CASK: variants seen among roughly 807,000 people sequenced by gnomAD.
CASK encodes the protein peripheral plasma membrane protein CASK.
A neutral mutation model predicts 82.9 loss-of-function variants in CASK; 4 were observed. That is an observed-to-expected ratio of 0.05 (90% CI 0.02 to 0.11). CASK has a LOEUF of 0.11. Ranked by LOEUF, CASK falls within the 10% of genes least tolerant of loss-of-function variation. The probability of loss-of-function intolerance (pLI) is 1.00; values close to 1 mark genes in which losing one functional copy is unlikely to be tolerated. For missense variants in CASK, 358 were observed against 720.9 expected (o/e 0.50, Z 5.76); for synonymous variants, 259 against 253.5 (o/e 1.02, Z -0.20).
chrX:41,921,673 T>C (rs961199468), intron 1 of CASK, among the ~76,000 whole-genome samples: 5 of 110,763 alleles, frequency 4.5e-5, no homozygotes, highest in African/African-American at 6.6e-5. Context: ...GTAAAGTGTG[T>C]AGCAAGCTCT....
intron 8 of CASK, chrX:41,660,153 A>C (rs992411331): frequency 4.9e-6 from 2 of 404,501 alleles, no homozygotes; most frequent in Admixed American, 4.5e-5. Flanking sequence ...TTGATGTTGC[A>C]TATCTTTGGA....
chrX:41,625,046 C>T (rs1358673928), intron 10 of CASK, among the ~76,000 whole-genome samples: 1 of 111,156 alleles, frequency 9.0e-6, no homozygotes, highest in Non-Finnish European at 1.9e-5. Flanking sequence ...AGAACACACA[C>T]ACACACGCAT....
chrX:41,894,044 A>G (rs1011192336), intron 1 of CASK, among the ~76,000 whole-genome samples: 2 of 112,134 alleles, frequency 1.8e-5, no homozygotes, highest in Non-Finnish European at 3.8e-5. Flanking sequence ...AAAGCAGCCA[A>G]TAGAAACTTC....
At chrX:41,790,948 T>C (rs1160043982) in intron 2 of CASK, among the ~76,000 whole-genome samples, 2 of 111,594 alleles carry the variant, frequency 1.8e-5, no homozygotes, top group Non-Finnish European at 3.8e-5. Context: ...AGAGGCAAAG[T>C]AGGAAGGAAT....
rs766755953 is a variant in CASK, at chrX:41,527,714, C to T, written c.2520+3293G>A. On this transcript the variant is annotated intron_variant, in intron 25 of 26. Coordinates refer to ENST00000378163, the MANE Select transcript of CASK (RefSeq NM_001367721.1). ...GCTGCCTCTTGATGATGACCTCTTC[C>T]GCTGTGGGCAAAAGCAAAACTACAA... Among the ~76,000 whole-genome samples, 155 of 112,230 alleles carry T rather than the reference C, an allele frequency of 1.4e-3. 1 individual carries two copies. The highest frequency in any genetic ancestry group is 4.6e-3 in the Middle Eastern group (1 of 219).
chrX:41,578,963 G>A (rs1431071121), intron 14 of CASK, among the ~76,000 whole-genome samples: 1 of 112,292 alleles, frequency 8.9e-6, no homozygotes, highest in Non-Finnish European at 1.9e-5. Flanking sequence ...ATGAAGAGAT[G>A]TGTTTGATGA....
chrX:41,789,508 G>A (rs2069675996), intron 2 of CASK, among the ~76,000 whole-genome samples: 1 of 111,363 alleles, frequency 9.0e-6, no homozygotes, highest in Admixed American at 9.5e-5. Flanking sequence ...CGCAGGAGGG[G>A]AGGATGTGAA....
chrX:41,753,683 C>T (rs867355248), intron 3 of CASK, among the ~76,000 whole-genome samples: 5 of 111,649 alleles, frequency 4.5e-5, no homozygotes, highest in Middle Eastern at 4.7e-3. Context: ...GCCAGGAGTT[C>T]GATATCAGCC....
chrX:41,561,685 G>T, intron 16 of CASK, 41 bp from the exon 17 acceptor site: 1 of 938,307 alleles, frequency 1.1e-6, no homozygotes. Context: ...AATGATATAT[G>T]CTTTCATAGT....
chrX:41,696,922 T>C (rs1441873616), intron 5 of CASK: 2 of 392,861 alleles, frequency 5.1e-6, no homozygotes, highest in Non-Finnish European at 8.8e-6. Context: ...TGCTTAACTG[T>C]AAACCATTTC....
At chrX:41,630,018 A>C (rs1263401995) in intron 9 of CASK, among the ~76,000 whole-genome samples, 1 of 112,140 alleles carries the variant, frequency 8.9e-6, no homozygotes, top group African/African-American at 3.2e-5. Flanking sequence ...TAATTAGACT[A>C]TTCACAATCT....
chrX:41,538,213 T>C (rs748180955), intron 22 of CASK, among the ~76,000 whole-genome samples: 7 of 111,699 alleles, frequency 6.3e-5, no homozygotes, highest in Non-Finnish European at 1.3e-4. Flanking sequence ...TTAGAGTTGC[T>C]TGTATTCCAG....
chrX:41,798,850 G>C (rs1233440649), intron 2 of CASK, among the ~76,000 whole-genome samples: 1 of 111,550 alleles, frequency 9.0e-6, no homozygotes, highest in African/African-American at 3.3e-5. Flanking sequence ...AAAATAAAAA[G>C]AACTAACAAG....
At chrX:41,866,244 C>T (rs1306407315) in intron 1 of CASK, among the ~76,000 whole-genome samples, 1 of 112,508 alleles carries the variant, frequency 8.9e-6, no homozygotes, top group Non-Finnish European at 1.9e-5. Context: ...GAGTGCCCAC[C>T]GGGACCCACT....
chrX:41,692,695 C>G (rs1184790109), intron 5 of CASK, among the ~76,000 whole-genome samples: 1 of 112,055 alleles, frequency 8.9e-6, no homozygotes, highest in Non-Finnish European at 1.9e-5. Context: ...GGTCCATGGC[C>G]TTTTCTAAGT....
intron 15 of CASK, among the ~76,000 whole-genome samples, chrX:41,573,081 T>C (rs1029955860): frequency 2.9e-5 from 3 of 104,132 alleles, no homozygotes; most frequent in Admixed American, 1.0e-4. Context: ...TTTTCTTTTT[T>C]TTTTTTTTTT....
chrX:41,827,888 A>G (rs2070699456), intron 2 of CASK, among the ~76,000 whole-genome samples: 1 of 112,165 alleles, frequency 8.9e-6, no homozygotes, highest in African/African-American at 3.2e-5. Context: ...CAAAATAATT[A>G]AGATAAACAA....
chrX:41,914,918 A>C (rs1309803082), intron 1 of CASK, among the ~76,000 whole-genome samples: 1 of 112,252 alleles, frequency 8.9e-6, no homozygotes, highest in Non-Finnish European at 1.9e-5. Flanking sequence ...CACAGAAAAG[A>C]AGCCAGACCT....
intron 11 of CASK, among the ~76,000 whole-genome samples, chrX:41,612,915 A>G (rs1370436515): frequency 2.1e-4 from 13 of 60,833 alleles, no homozygotes; most frequent in African/African-American, 3.8e-4. Context: ...CAGCCGCCCC[A>G]TCCGGGAGGT....
Sources: allele counts gnomAD v4.1 joint callset (sites outside exome capture counted in the v4.1 genomes callset), GRCh38; gene constraint gnomAD v4.1.1; transcripts MANE v1.5; gene names NCBI Gene and HGNC (gene_info 2026-07-23, HGNC 2026-07-21).